LRGUK: variants seen among roughly 807,000 people sequenced by gnomAD.
LRGUK encodes leucine rich repeats and guanylate kinase domain containing.
A neutral mutation model predicts 76.0 loss-of-function variants in LRGUK; 65 were observed. The observed-to-expected ratio is 0.85, with a 90% CI of 0.70 to 1.05. The LOEUF is 1.05. Among genes scored for constraint, LRGUK ranks in the 50% least tolerant of loss-of-function variants. LRGUK has a pLI of 0.00. For missense variants in LRGUK, 758 were observed against 732.8 expected, an observed-to-expected ratio of 1.03 and a Z score of -0.40; for synonymous variants, 268 against 265.6, an observed-to-expected ratio of 1.01 and a Z score of -0.09.
intron 2 of LRGUK, among the ~76,000 whole-genome samples, chr7:134,137,659 A>G (rs1163313381): frequency 1.3e-5 from 2 of 152,194 alleles, no homozygotes; most frequent in Non-Finnish European, 2.9e-5. Flanking sequence ...AGTACTCATC[A>G]TAGAGTAGCA....
chr7:134,148,754 T>C (rs1798082994), intron 5 of LRGUK, among the ~76,000 whole-genome samples: 1 of 152,168 alleles, frequency 6.6e-6, no homozygotes, highest in Non-Finnish European at 1.5e-5. Context: ...GCGGAAACCC[T>C]GCCTCTACTA....
chr7:134,186,733 T>TGCCTTAATGAAATTTGTA (rs1283498248), intron 11 of LRGUK, among the ~76,000 whole-genome samples: 4 of 152,226 alleles, frequency 2.6e-5, no homozygotes, highest in Admixed American at 6.5e-5. Flanking sequence ...GTGAGGTCCT[T>TGCCTTAATGAAATTTGTA]GCCTTAATGA....
intron 16 of LRGUK, among the ~76,000 whole-genome samples, chr7:134,231,148 C>A (rs990068550): frequency 6.6e-6 from 1 of 152,154 alleles, no homozygotes; most frequent in East Asian, 1.9e-4. Context: ...ACTTGATGAT[C>A]CATCTGAAGG....
intron 1 of LRGUK, among the ~76,000 whole-genome samples, chr7:134,132,913 G>A (rs370403802): frequency 1.8e-4 from 28 of 152,292 alleles, no homozygotes; most frequent in African/African-American, 5.8e-4. Context: ...TGGAGAAGAC[G>A]GCAAAGGAGT....
intron 7 of LRGUK, among the ~76,000 whole-genome samples, chr7:134,172,877 G>A (rs1799315451): frequency 1.3e-5 from 2 of 151,976 alleles, no homozygotes; most frequent in Admixed American, 1.3e-4. Flanking sequence ...GCTACTCGGG[G>A]GTCGGGGGCT....
At chr7:134,246,631 A>G (rs1374994294) in intron 16 of LRGUK, among the ~76,000 whole-genome samples, 1 of 152,216 alleles carries the variant, frequency 6.6e-6, no homozygotes, top group Non-Finnish European at 1.5e-5. Context: ...ATGCCAATTT[A>G]TAGTGGAGCC....
chr7:134,227,550 A>G (rs866175339), intron 16 of LRGUK, among the ~76,000 whole-genome samples: 5 of 152,296 alleles, frequency 3.3e-5, no homozygotes, highest in Middle Eastern at 3.4e-3. Flanking sequence ...TCCCCAGATG[A>G]TAGGAAACAG....
intron 10 of LRGUK, among the ~76,000 whole-genome samples, chr7:134,180,797 G>A (rs1046539682): frequency 6.6e-6 from 1 of 152,100 alleles, no homozygotes; most frequent in African/African-American, 2.4e-5. Flanking sequence ...GTGGCATCAA[G>A]TACATTCATA....
exon 1 of LRGUK, chr7:134,127,380 G>A (rs759160061): frequency 5.0e-6 from 8 of 1,604,216 alleles, no homozygotes; most frequent in Non-Finnish European, 6.8e-6. Context: ...GGCGACCTCC[G>A]AGAGGGCTCT....
At chr7:134,238,854 A>G (rs965508993) in intron 16 of LRGUK, among the ~76,000 whole-genome samples, 1 of 152,250 alleles carries the variant, frequency 6.6e-6, no homozygotes, top group Non-Finnish European at 1.5e-5. Flanking sequence ...CCCTTCAAAT[A>G]GTATCAAAAT....
intron 19 of LRGUK, among the ~76,000 whole-genome samples, chr7:134,259,041 A>G (rs766190764): frequency 2.7e-4 from 41 of 152,170 alleles, no homozygotes; most frequent in Non-Finnish European, 4.0e-4. Flanking sequence ...ACTCCATTCA[A>G]TGAAGGTGAA....
At chr7:134,213,628 A>G (rs1297462034), downstream of LRGUK, among the ~76,000 whole-genome samples, 1 of 152,184 alleles carries the variant, frequency 6.6e-6, no homozygotes, top group Non-Finnish European at 1.5e-5. Context: ...ATTAGGGTAC[A>G]AAAGGGAAGC....
chr7:134,176,456 T>G (rs1434603877), intron 8 of LRGUK, among the ~76,000 whole-genome samples: 1 of 152,114 alleles, frequency 6.6e-6, no homozygotes, highest in African/African-American at 2.4e-5. Context: ...CTCGGCTCAC[T>G]GCAAGCTCCG....
At chr7:134,132,376 G>C (rs1049691710) in intron 1 of LRGUK, among the ~76,000 whole-genome samples, 2 of 152,130 alleles carry the variant, frequency 1.3e-5, no homozygotes, top group African/African-American at 2.4e-5. Flanking sequence ...AAAAAAAGAA[G>C]ATGGGAATGG....
intron 5 of LRGUK, among the ~76,000 whole-genome samples, chr7:134,152,959 A>C (rs910166618): frequency 1.1e-5 from 1 of 90,338 alleles, no homozygotes; most frequent in East Asian, 2.6e-4. Flanking sequence ...GGAGGAAGGG[A>C]AGAAGAAAGA....
rs767228977 is a variant in LRGUK, at chr7:134,247,617, GC to G, written c.2048del (p.Pro683LeufsTer26). The G allele has an allele frequency of 6.2e-7, 1 of 1,613,494 alleles. No individual in the cohort carries two copies. Among genetic ancestry groups the G allele is most frequent in the Non-Finnish European group, 8.5e-7 (1 of 1,179,666 alleles). On this transcript the variant is annotated frameshift_variant, in exon 17 of 20. Coordinates refer to the LRGUK transcript ENST00000285928. LOFTEE classifies it high-confidence loss of function. ...CGGCAAGCTCTAATGGGAAGGATAC[GC>G]CCTGATCACACACTCCTATTTCAAA... is the stretch of plus-strand genomic sequence containing the variant.
intron 16 of LRGUK, among the ~76,000 whole-genome samples, chr7:134,243,492 A>G (rs13308392): frequency 0.072 from 10,951 of 152,184 alleles, 961 homozygotes; most frequent in African/African-American, 0.2. Flanking sequence ...TCCAACTTAC[A>G]AGGGATGTGA....
At chr7:134,181,286 G>A (rs934172190) in intron 10 of LRGUK, among the ~76,000 whole-genome samples, 2 of 152,048 alleles carry the variant, frequency 1.3e-5, no homozygotes, top group African/African-American at 4.8e-5. Context: ...TAAAATTCAT[G>A]ATCCACACCT....
intron 18 of LRGUK, among the ~76,000 whole-genome samples, chr7:134,255,120 T>C (rs1802543060): frequency 6.6e-6 from 1 of 152,116 alleles, no homozygotes; most frequent in African/African-American, 2.4e-5. Flanking sequence ...GAAGTATGAA[T>C]GTGTATGGGA....
Sources: gnomAD v4.1 joint callset for allele counts (sites outside exome capture counted in the v4.1 genomes callset) on GRCh38, gnomAD v4.1.1 for gene constraint, MANE v1.5 for transcripts, NCBI Gene and HGNC (gene_info 2026-07-23, HGNC 2026-07-21) for gene names.